ADAMTSL1: variants seen among roughly 807,000 people sequenced by gnomAD.
ADAMTSL1 encodes ADAMTS like 1.
A neutral mutation model predicts 201.8 loss-of-function variants in ADAMTSL1; 126 were observed. The ratio of observed to expected loss-of-function variants is 0.62; its 90% CI spans 0.54 to 0.72. The LOEUF (loss-of-function observed/expected upper bound fraction) is 0.72, where lower values mean the gene tolerates loss of function less well. Among genes scored for constraint, ADAMTSL1 ranks in the 30% least tolerant of loss-of-function variants. The pLI, the probability that ADAMTSL1 is intolerant of heterozygous loss-of-function variation, is 0.00. For missense variants in ADAMTSL1, 2,679 were observed against 2,277.8 expected, an observed-to-expected ratio of 1.18 and a Z score of -3.59; for synonymous variants, 1,121 against 903.4, an observed-to-expected ratio of 1.24 and a Z score of -4.32.
chr9:17,947,942 A>G (rs577995015), intron 1 of ADAMTSL1, among the ~76,000 whole-genome samples: 20 of 152,270 alleles, frequency 1.3e-4, no homozygotes, highest in East Asian at 9.7e-4. Context: ...TCCAAAAACA[A>G]CTACCAATTT....
At chr9:18,196,563 C>T (rs1003647749) in intron 2 of ADAMTSL1, among the ~76,000 whole-genome samples, 1 of 152,168 alleles carries the variant, frequency 6.6e-6, no homozygotes, top group South Asian at 2.1e-4. Context: ...CTCTGCTGGC[C>T]TTTTCAGCTT....
intron 2 of ADAMTSL1, among the ~76,000 whole-genome samples, chr9:18,174,877 G>A (rs551889015): frequency 6.6e-6 from 1 of 152,130 alleles, no homozygotes; most frequent in Non-Finnish European, 1.5e-5. Flanking sequence ...TTACCCAATG[G>A]AAAGTTTGGG....
intron 2 of ADAMTSL1, among the ~76,000 whole-genome samples, chr9:18,401,734 G>A (rs1817993744): frequency 6.6e-6 from 1 of 151,958 alleles, no homozygotes; most frequent in Non-Finnish European, 1.5e-5. Flanking sequence ...CTCTCATATT[G>A]ATATATTACC....
intron 1 of ADAMTSL1, among the ~76,000 whole-genome samples, chr9:18,049,233 C>T (rs151085959): frequency 4.0e-4 from 61 of 152,290 alleles, no homozygotes; most frequent in African/African-American, 1.4e-3. Context: ...GGTTAGGACT[C>T]TGACATACCT....
chr9:18,751,409 G>A (rs1274819496), intron 15 of ADAMTSL1, among the ~76,000 whole-genome samples: 1 of 152,154 alleles, frequency 6.6e-6, no homozygotes, highest in African/African-American at 2.4e-5. Flanking sequence ...TTACTAATTA[G>A]GGGTACTTGG....
At chr9:18,719,051 T>C (rs920270612) in intron 14 of ADAMTSL1, among the ~76,000 whole-genome samples, 2 of 152,174 alleles carry the variant, frequency 1.3e-5, no homozygotes, top group Non-Finnish European at 2.9e-5. Context: ...ACTATTCCAG[T>C]GGGAAGTATC....
intron 2 of ADAMTSL1, among the ~76,000 whole-genome samples, chr9:18,279,458 A>T (rs1380970638): frequency 6.6e-6 from 1 of 151,418 alleles, no homozygotes; most frequent in Non-Finnish European, 1.5e-5. Context: ...TGGTGGGGTC[A>T]TGTTTCCCTG....
intron 4 of ADAMTSL1, among the ~76,000 whole-genome samples, chr9:18,601,345 G>T (rs10810994): frequency 5.9e-5 from 9 of 152,128 alleles, no homozygotes; most frequent in Non-Finnish European, 1.2e-4. Context: ...AAGCTCAAAG[G>T]CCAGGCCTCA....
rs1193582244 is a variant in ADAMTSL1 at position 18,645,808 on chromosome 9, G to T, written c.834+6397G>T. Among the ~76,000 whole-genome samples, 6 of 137,682 alleles carry T rather than the reference G, an allele frequency of 4.4e-5. No individual in the cohort carries two copies. In the East Asian group the frequency reaches 1.1e-3, roughly 24 times the overall value. 90.3% of individuals were successfully genotyped at this position (137,682 alleles called of 152,430 possible). A position where few individuals can be genotyped will look rare whatever the true frequency, so the allele number is the denominator to read the frequency against. ...TTACTGTAGCCTTGTAGTATAGTTT[G>T]AAGTCAGGTAGTGTGATGCCTCCAG... On this transcript the variant is annotated intron_variant, in intron 7 of 28. Transcript: ENST00000380548.
chr9:18,615,191 T>C (rs954426535), intron 4 of ADAMTSL1, among the ~76,000 whole-genome samples: 1 of 152,194 alleles, frequency 6.6e-6, no homozygotes, highest in African/African-American at 2.4e-5. Context: ...TTTTCTCATA[T>C]TGGAAACCTT....
intron 3 of ADAMTSL1, among the ~76,000 whole-genome samples, chr9:18,567,983 C>T (rs1466261598): frequency 6.6e-6 from 1 of 152,164 alleles, no homozygotes; most frequent in Non-Finnish European, 1.5e-5. Context: ...TATAACTCTA[C>T]TATAACAACA....
intron 3 of ADAMTSL1, among the ~76,000 whole-genome samples, chr9:18,546,770 C>A (rs1351670201): frequency 6.6e-6 from 1 of 152,086 alleles, no homozygotes; most frequent in Non-Finnish European, 1.5e-5. Flanking sequence ...TTATATTTGA[C>A]TTCGTGACTG....
chr9:18,362,535 C>T (rs1247674753), intron 2 of ADAMTSL1, among the ~76,000 whole-genome samples: 1 of 152,078 alleles, frequency 6.6e-6, no homozygotes, highest in Non-Finnish European at 1.5e-5. Context: ...TGTTCTAGTT[C>T]TTAAGGAGCT....
chr9:18,833,896 C>A (rs1429483679), intron 23 of ADAMTSL1, among the ~76,000 whole-genome samples: 1 of 152,082 alleles, frequency 6.6e-6, no homozygotes, highest in Non-Finnish European at 1.5e-5. Context: ...CAGTTTTAAT[C>A]TTCTCTATAT....
At chr9:18,830,697 GAGA>G (rs1299051274) in intron 23 of ADAMTSL1, among the ~76,000 whole-genome samples, 3 of 152,106 alleles carry the variant, frequency 2.0e-5, no homozygotes, top group Non-Finnish European at 4.4e-5. Context: ...CAAGGTGGAA[GAGA>G]AGAATTCTTC....
intron 2 of ADAMTSL1, among the ~76,000 whole-genome samples, chr9:18,355,316 A>AT (rs1836170646): frequency 6.6e-6 from 1 of 152,262 alleles, no homozygotes; most frequent in South Asian, 2.1e-4. Flanking sequence ...ATATATTTAA[A>AT]TTTTTTATAA....
At chr9:18,528,398 G>A (rs116641395) in intron 2 of ADAMTSL1, among the ~76,000 whole-genome samples, 2,271 of 152,062 alleles carry the variant, frequency 0.015, 41 homozygotes, top group African/African-American at 0.048. Flanking sequence ...ATGTATACAC[G>A]TGTTCTCACC....
At chr9:18,135,145 C>G (rs1042753238) in intron 1 of ADAMTSL1, among the ~76,000 whole-genome samples, 1 of 152,130 alleles carries the variant, frequency 6.6e-6, no homozygotes, top group Non-Finnish European at 1.5e-5. Flanking sequence ...AAACATCTGA[C>G]TTAGAACTGG....
chr9:18,848,001 C>A (rs984034221), intron 23 of ADAMTSL1, among the ~76,000 whole-genome samples: 7 of 152,220 alleles, frequency 4.6e-5, no homozygotes, highest in African/African-American at 1.7e-4. Context: ...AACCATGTGG[C>A]CAACTGAATG....
Sources: allele counts gnomAD v4.1 joint callset (sites outside exome capture counted in the v4.1 genomes callset), GRCh38; gene constraint gnomAD v4.1.1; transcripts MANE v1.5; gene names NCBI Gene and HGNC (gene_info 2026-07-23, HGNC 2026-07-21).